The following MARCHF1 variants were observed in gnomAD, a reference collection of about 807,000 sequenced individuals.
MARCHF1 encodes membrane associated ring-CH-type finger 1.
MARCHF1 carries 40 observed loss-of-function variants against 54.2 expected under a neutral mutation model. The observed-to-expected ratio is 0.74, with a 90% CI of 0.57 to 0.96. The LOEUF (loss-of-function observed/expected upper bound fraction) is 0.96. Ranked by LOEUF, MARCHF1 falls within the 40% of genes least tolerant of loss-of-function variation. The probability of loss-of-function intolerance (pLI) is 0.00; values close to 1 mark genes in which losing one functional copy is unlikely to be tolerated. For missense variants in MARCHF1, 586 were observed against 656.5 expected (o/e 0.89, Z 1.17); for synonymous variants, 236 against 236.3 (o/e 1.00, Z 0.01).
chr4:164,363,766 C>CGTGTGTGTGTGTGTGTGTGTGT lies in MARCHF1; in HGVS notation c.-323+20103_-323+20104insACACACACACACACACACACAC, dbSNP rs113007142. Among the ~76,000 whole-genome samples, 213 of 150,200 alleles carry CGTGTGTGTGTGTGTGTGTGTGT rather than the reference C, an allele frequency of 1.4e-3. 1 individual carries two copies. The highest frequency in any genetic ancestry group is 0.012 in the South Asian group (57 of 4,740). ...ATTTAACATTACATTATTAATAAGC[C>CGTGTGTGTGTGTGTGTGTGTGT]GTGTGTGTGTGTGTGTGTCTGTGTT... On this transcript the variant is annotated intron_variant, in intron 1 of 9. Transcript: ENST00000514618.
At chr4:163,610,504 C>A (rs1012180279) in intron 7 of MARCHF1, among the ~76,000 whole-genome samples, 3 of 152,038 alleles carry the variant, frequency 2.0e-5, no homozygotes, top group Non-Finnish European at 2.9e-5. Flanking sequence ...CATTATTTTT[C>A]TCTCCAATTA....
In MARCHF1 at chr4:163,612,609, T is replaced by C; in HGVS notation, c.672A>G (p.Glu224=). 1 of 1,535,636 alleles carries C rather than the reference T, an allele frequency of 6.5e-7. No homozygotes were observed. ...GGAGATTTAAAGAGCAACTCTCACA[T>C]TCAATCAGCTCTTGTTGCTCTTTAC... ...SKGKEQQELI[E]CESCSLNLHR... The change falls in exon 7 of 10, where the codon GAA becomes GAG. Residue 224 remains glutamate (E), a synonymous_variant. Coordinates refer to ENST00000514618, the MANE Select transcript of MARCHF1 (RefSeq NM_001394959.1).
chr4:164,037,308 G>A (rs1754026533), intron 2 of MARCHF1, among the ~76,000 whole-genome samples: 1 of 152,046 alleles, frequency 6.6e-6, no homozygotes, highest in Non-Finnish European at 1.5e-5. Flanking sequence ...ACTAGCTTAG[G>A]TCATCAAGGA....
At chr4:164,282,176 G>A (rs1484877326) in intron 1 of MARCHF1, among the ~76,000 whole-genome samples, 1 of 150,520 alleles carries the variant, frequency 6.6e-6, no homozygotes, top group Non-Finnish European at 1.5e-5. Flanking sequence ...GATATTCCCT[G>A]CCCTCAACTA....
At chr4:164,139,181 A>G (rs114733970) in intron 1 of MARCHF1, among the ~76,000 whole-genome samples, 1,904 of 152,256 alleles carry the variant, frequency 0.013, 38 homozygotes, top group African/African-American at 0.04. Flanking sequence ...AGAACCTGAT[A>G]ATATGTAATA....
At chr4:164,250,135 C>T (rs1733080699) in intron 1 of MARCHF1, among the ~76,000 whole-genome samples, 2 of 152,018 alleles carry the variant, frequency 1.3e-5, no homozygotes, top group Non-Finnish European at 2.9e-5. Context: ...TAGGTGATGA[C>T]ATGTAGCACT....
At chr4:164,101,306 G>T (rs1487476483) in intron 2 of MARCHF1, among the ~76,000 whole-genome samples, 1 of 150,990 alleles carries the variant, frequency 6.6e-6, no homozygotes. Context: ...CACCTCTGGG[G>T]GCAGGGCACA....
At chr4:164,283,828 G>C (rs1734082594) in intron 1 of MARCHF1, among the ~76,000 whole-genome samples, 1 of 150,892 alleles carries the variant, frequency 6.6e-6, no homozygotes, top group Admixed American at 6.7e-5. Flanking sequence ...TGAAGAAGGG[G>C]ATATCATGGA....
chr4:163,874,070 CATAAAT>C (rs1750237440), intron 3 of MARCHF1, among the ~76,000 whole-genome samples: 1 of 152,156 alleles, frequency 6.6e-6, no homozygotes, highest in African/African-American at 2.4e-5. Context: ...AGGCTGTAAA[CATAAAT>C]ATAGTCTAGG....
intron 3 of MARCHF1, among the ~76,000 whole-genome samples, chr4:163,957,161 T>C (rs1417594079): frequency 2.8e-5 from 3 of 105,946 alleles, no homozygotes; most frequent in Non-Finnish European, 7.2e-5. Context: ...AATAATTTTT[T>C]CTTTGAAAAT....
chr4:163,586,853 A>G (rs893031340), intron 7 of MARCHF1, among the ~76,000 whole-genome samples: 2 of 152,240 alleles, frequency 1.3e-5, no homozygotes, highest in Non-Finnish European at 2.9e-5. Context: ...TTAAAGTATA[A>G]TGAAGGAATA....
intron 3 of MARCHF1, among the ~76,000 whole-genome samples, chr4:163,897,858 C>A (rs1379466872): frequency 6.6e-6 from 1 of 151,422 alleles, no homozygotes; most frequent in Admixed American, 6.6e-5. Flanking sequence ...AGATCAAGAC[C>A]ATCCTGACTA....
intron 1 of MARCHF1, among the ~76,000 whole-genome samples, chr4:164,163,358 A>G (rs1340550076): frequency 6.6e-6 from 1 of 152,038 alleles, no homozygotes; most frequent in Non-Finnish European, 1.5e-5. Context: ...TTGAAATTTC[A>G]CTGTATTGTT....
chr4:164,106,209 G>C (rs1404022386), intron 2 of MARCHF1, among the ~76,000 whole-genome samples: 1 of 138,240 alleles, frequency 7.2e-6, no homozygotes, highest in African/African-American at 2.9e-5. Flanking sequence ...TCAGTGTGGC[G>C]ATTCCTCAGG....
intron 5 of MARCHF1, among the ~76,000 whole-genome samples, chr4:163,650,276 A>C (rs751388349): frequency 1.3e-5 from 2 of 151,996 alleles, no homozygotes; most frequent in Non-Finnish European, 2.9e-5. Flanking sequence ...AAAAGGATAA[A>C]AAGGGAAAAC....
Position 164,163,792 on chromosome 4 carries a change from C to T in MARCHF1, c.-322-52130G>A, listed in dbSNP as rs573986075. On this transcript the variant is annotated intron_variant, in intron 1 of 9. Coordinates refer to ENST00000514618, the MANE Select transcript of MARCHF1 (RefSeq NM_001394959.1). Reference sequence around the variant, plus strand: ...CTAATTAATACCAAACTATACATTTCTTTCAAGGGAATGTGTAACATTTAC... The same window carrying T: ...CTAATTAATACCAAACTATACATTTTTTTCAAGGGAATGTGTAACATTTAC... Among the ~76,000 whole-genome samples the T allele has an allele frequency of 6.6e-5, 10 of 151,964 alleles. No homozygotes were observed. The South Asian group carries it at 8.3e-4, about 13-fold the overall frequency.
chr4:164,222,491 G>C (rs1053639580), intron 1 of MARCHF1, among the ~76,000 whole-genome samples: 11 of 151,868 alleles, frequency 7.2e-5, no homozygotes, highest in Admixed American at 6.6e-4. Context: ...GTGTAGACTT[G>C]TAAAAATGAT....
chr4:164,341,651 AG>A (rs985828261), intron 1 of MARCHF1, among the ~76,000 whole-genome samples: 34 of 152,298 alleles, frequency 2.2e-4, no homozygotes, highest in African/African-American at 7.5e-4. Context: ...ATGTGGTGGA[AG>A]GGGTGAAGGG....
chr4:164,072,700 C>T, intron 2 of MARCHF1, among the ~76,000 whole-genome samples: 1 of 97,392 alleles, frequency 1.0e-5, no homozygotes, highest in South Asian at 3.6e-4. Flanking sequence ...GAAATTTTCT[C>T]TAGTAAAAAA....
Sources: allele counts gnomAD v4.1 joint callset (sites outside exome capture counted in the v4.1 genomes callset), GRCh38; gene constraint gnomAD v4.1.1; transcripts MANE v1.5; gene names NCBI Gene and HGNC (gene_info 2026-07-23, HGNC 2026-07-21).